TLE4: variants seen among roughly 807,000 people sequenced by gnomAD.
The protein encoded by TLE4 is transducin-like enhancer protein 4.
TLE4 carries 8 observed loss-of-function variants against 92.8 expected under a neutral mutation model. That is an observed-to-expected ratio of 0.09 (90% CI 0.05 to 0.16). TLE4 has a LOEUF of 0.16. TLE4 is among the 10% of genes least tolerant of loss of function. The probability of loss-of-function intolerance (pLI) is 1.00; values close to 1 mark genes in which losing one functional copy is unlikely to be tolerated. For synonymous variants in TLE4, 371 were observed against 374.1 expected, an observed-to-expected ratio of 0.99 and a Z score of 0.10; for missense variants, 675 against 997.6, an observed-to-expected ratio of 0.68 and a Z score of 4.36.
chr9:79,604,076 G>C (rs1355353188), intron 4 of TLE4, among the ~76,000 whole-genome samples: 1 of 152,146 alleles, frequency 6.6e-6, no homozygotes, highest in Non-Finnish European at 1.5e-5. Flanking sequence ...GATTACAGAT[G>C]CTGTCACGAG....
At chr9:79,667,876 C>T (rs749477782) in intron 8 of TLE4, among the ~76,000 whole-genome samples, 4 of 152,156 alleles carry the variant, frequency 2.6e-5, no homozygotes, top group Non-Finnish European at 2.9e-5. Context: ...GGAACTAACT[C>T]GGGTCATGAT....
chr9:79,657,761 A>G (rs190051835), intron 8 of TLE4, among the ~76,000 whole-genome samples: 1 of 152,212 alleles, frequency 6.6e-6, no homozygotes, highest in Admixed American at 6.5e-5. Context: ...TAATTCCAAT[A>G]TCAGGTAGCA....
chr9:79,716,335 C>T (rs775345710), intron 14 of TLE4, among the ~76,000 whole-genome samples: 6 of 152,220 alleles, frequency 3.9e-5, no homozygotes, highest in Non-Finnish European at 5.9e-5. Flanking sequence ...CAGCTCTCCG[C>T]GCATATGCTG....
At chr9:79,677,139 A>T (rs1418547622) in intron 8 of TLE4, among the ~76,000 whole-genome samples, 1 of 152,154 alleles carries the variant, frequency 6.6e-6, no homozygotes, top group African/African-American at 2.4e-5. Context: ...AGCAGCAATA[A>T]TATCTATCTT....
intron 6 of TLE4, among the ~76,000 whole-genome samples, chr9:79,641,245 T>G (rs550867160): frequency 6.6e-6 from 1 of 151,392 alleles, no homozygotes; most frequent in East Asian, 1.9e-4. Context: ...ATGAAAAACA[T>G]CTGTTCATCA....
At chr9:79,664,150 A>G (rs935343084) in intron 8 of TLE4, among the ~76,000 whole-genome samples, 1 of 152,220 alleles carries the variant, frequency 6.6e-6, no homozygotes, top group Non-Finnish European at 1.5e-5. Flanking sequence ...GCCTTGCCCT[A>G]AAGTGGATAG....
intron 3 of TLE4, among the ~76,000 whole-genome samples, chr9:79,575,496 G>A (rs2037452265): frequency 6.6e-6 from 1 of 152,058 alleles, no homozygotes; most frequent in African/African-American, 2.4e-5. Flanking sequence ...TTGGTTTGAG[G>A]AATGTTGTAG....
intron 8 of TLE4, among the ~76,000 whole-genome samples, chr9:79,702,154 A>G (rs1375753855): frequency 5.3e-5 from 8 of 152,216 alleles, no homozygotes; most frequent in Non-Finnish European, 1.0e-4. Flanking sequence ...ACTGGCTTAT[A>G]GTGCTGATGT....
At chr9:79,608,622 G>A (rs1588021726) in intron 4 of TLE4, among the ~76,000 whole-genome samples, 1 of 151,990 alleles carries the variant, frequency 6.6e-6, no homozygotes, top group Non-Finnish European at 1.5e-5. Flanking sequence ...ATGGTAAAAA[G>A]TTATTCTTCA....
intron 6 of TLE4, among the ~76,000 whole-genome samples, chr9:79,643,962 T>G (rs2057650904): frequency 2.0e-5 from 3 of 152,234 alleles, no homozygotes; most frequent in African/African-American, 7.2e-5. Flanking sequence ...TGTGGGCTTC[T>G]GGTACCTTTC....
chr9:79,707,502 AAAAAGAAT>A (rs1414784312), intron 11 of TLE4, among the ~76,000 whole-genome samples: 3 of 152,244 alleles, frequency 2.0e-5, no homozygotes, highest in Non-Finnish European at 1.5e-5. Flanking sequence ...TAACATTTAA[AAAAAGAAT>A]AAAAAGACAA....
At chr9:79,718,171 G>C in intron 14 of TLE4, 1 of 418,924 alleles carries the variant, frequency 2.4e-6, no homozygotes, top group Non-Finnish European at 4.7e-6. Context: ...TTTAAAATAG[G>C]GCTTTATCTT....
intron 4 of TLE4, chr9:79,576,933 ATATC>A (rs1587602620): frequency 6.6e-6 from 1 of 151,904 alleles, no homozygotes; most frequent in East Asian, 1.9e-4. Context: ...AATAGCGGGT[ATATC>A]TATCTATATA....
intron 15 of TLE4, 109 bp downstream of exon 15, chr9:79,719,080 A>T: frequency 6.9e-7 from 1 of 1,459,612 alleles, no homozygotes; most frequent in Non-Finnish European, 9.1e-7. Context: ...TCCCAGGTGG[A>T]TAGTTGCTCT....
chr9:79,625,487 G>GGT (rs1321877517), intron 5 of TLE4, among the ~76,000 whole-genome samples: 2 of 151,974 alleles, frequency 1.3e-5, no homozygotes, highest in East Asian at 3.9e-4. Context: ...ATGTCCTTCC[G>GGT]GTGTCTACAC....
At chr9:79,632,338 A>G (rs551705825) in intron 6 of TLE4, among the ~76,000 whole-genome samples, 9 of 152,324 alleles carry the variant, frequency 5.9e-5, no homozygotes, top group African/African-American at 2.2e-4. Flanking sequence ...TCAGTTGCCC[A>G]CAGTAGTGAT....
chr9:79,718,593 G>A, intron 14 of TLE4, 129 bp from the exon 15 acceptor site: 1 of 1,342,616 alleles, frequency 7.4e-7, no homozygotes, highest in Non-Finnish European at 1.0e-6. Context: ...ACACTGTATG[G>A]ACAAATTCGA....
intron 6 of TLE4, 36 bp from the exon 7 acceptor site, chr9:79,652,557 G>A: frequency 8.7e-6 from 14 of 1,610,326 alleles, no homozygotes; most frequent in Non-Finnish European, 1.2e-5. Context: ...GGATATGGGG[G>A]CAAATTCAAT....
At chr9:79,676,564 A>G (rs2063292980) in intron 8 of TLE4, among the ~76,000 whole-genome samples, 1 of 152,216 alleles carries the variant, frequency 6.6e-6, no homozygotes, top group Non-Finnish European at 1.5e-5. Flanking sequence ...GAAAACAAAG[A>G]AAAGTAGGAT....
Sources: allele counts gnomAD v4.1 joint callset (sites outside exome capture counted in the v4.1 genomes callset), GRCh38; gene constraint gnomAD v4.1.1; transcripts MANE v1.5; gene names NCBI Gene and HGNC (gene_info 2026-07-23, HGNC 2026-07-21).